Variants in PPP2R2C observed in about 807,000 individuals in gnomAD.
PPP2R2C encodes protein phosphatase 2 regulatory subunit Bgamma.
PPP2R2C carries 10 observed loss-of-function variants against 45.3 expected under a neutral mutation model. The observed-to-expected ratio is 0.22, with a 90% CI of 0.14 to 0.37. The LOEUF is 0.37. Among genes scored for constraint, PPP2R2C ranks in the 10% least tolerant of loss-of-function variants. The pLI is 1.00. For missense variants in PPP2R2C, 308 were observed against 619.7 expected, an observed-to-expected ratio of 0.50 and a Z score of 5.34; for synonymous variants, 257 against 245.4, an observed-to-expected ratio of 1.05 and a Z score of -0.44.
At chr4:6,424,012 G>A (rs1719134054) in intron 1 of PPP2R2C, among the ~76,000 whole-genome samples, 1 of 152,232 alleles carries the variant, frequency 6.6e-6, no homozygotes, top group Non-Finnish European at 1.5e-5. Flanking sequence ...ACCTCCTCCT[G>A]CCCATGCATT....
chr4:6,413,427 G>A (rs1718322678), intron 1 of PPP2R2C, among the ~76,000 whole-genome samples: 1 of 152,214 alleles, frequency 6.6e-6, no homozygotes, highest in Non-Finnish European at 1.5e-5. Context: ...AAAGCTACTC[G>A]GGGTCAGAGC....
intron 1 of PPP2R2C, among the ~76,000 whole-genome samples, chr4:6,467,765 G>A (rs1560570070): frequency 1.3e-5 from 2 of 152,252 alleles, no homozygotes; most frequent in South Asian, 4.2e-4. Context: ...TCATGTAACT[G>A]GAAGTTCAGA....
At chr4:6,362,712 T>C (rs527747282) in intron 5 of PPP2R2C, among the ~76,000 whole-genome samples, 1 of 152,320 alleles carries the variant, frequency 6.6e-6, no homozygotes, top group South Asian at 2.1e-4. Context: ...GTCATGAGAC[T>C]GAAATGCAAC....
intron 5 of PPP2R2C, among the ~76,000 whole-genome samples, chr4:6,356,814 G>A (rs990951044): frequency 2.6e-5 from 4 of 152,152 alleles, no homozygotes; most frequent in Admixed American, 1.3e-4. Flanking sequence ...TGGACTCTGC[G>A]TCATCTGAGG....
At chr4:6,456,837 G>C (rs950723350) in intron 1 of PPP2R2C, among the ~76,000 whole-genome samples, 1 of 152,226 alleles carries the variant, frequency 6.6e-6, no homozygotes, top group Non-Finnish European at 1.5e-5. Flanking sequence ...GCCACGTGGA[G>C]GGCCCATGCG....
At chr4:6,337,125 T>C (rs554726331) in intron 6 of PPP2R2C, among the ~76,000 whole-genome samples, 1 of 42,422 alleles carries the variant, frequency 2.4e-5, no homozygotes, top group Non-Finnish European at 4.2e-5. Flanking sequence ...TATATATATA[T>C]ATATATATAT....
At chr4:6,529,857 A>G (rs1724338433) in intron 2 of PPP2R2C, among the ~76,000 whole-genome samples, 1 of 152,168 alleles carries the variant, frequency 6.6e-6, no homozygotes, top group Non-Finnish European at 1.5e-5. Context: ...AAGGCCTCCC[A>G]TGACAAGGAT....
chr4:6,377,325 G>T (rs577871277), intron 3 of PPP2R2C, among the ~76,000 whole-genome samples: 2 of 152,268 alleles, frequency 1.3e-5, no homozygotes, highest in East Asian at 3.9e-4. Context: ...AGGAAAGCAA[G>T]GTCACTGCCC....
At chr4:6,507,832 C>T (rs1213443716) in intron 2 of PPP2R2C, among the ~76,000 whole-genome samples, 2 of 152,258 alleles carry the variant, frequency 1.3e-5, no homozygotes, top group East Asian at 3.8e-4. Flanking sequence ...CTCTGACCCT[C>T]TGGGTAAATC....
Position 6,364,656 on chromosome 4 carries a change from T to C in PPP2R2C, c.625+7867A>G, listed in dbSNP as rs981312357. Among the ~76,000 whole-genome samples, 1 of 152,102 alleles carries C rather than the reference T, an allele frequency of 6.6e-6. No homozygotes were observed. Among genetic ancestry groups the C allele is most frequent in the African/African-American group, 2.4e-5 (1 of 41,414 alleles). On this transcript the variant is annotated intron_variant, in intron 5 of 8. Coordinates refer to ENST00000382599, the MANE Select transcript of PPP2R2C (RefSeq NM_020416.4). This position sits in a 1 kb window ranked among gnomAD's most constrained non-coding sequence, Gnocchi z 5.3. ...GCAGCCGTATGGTGTCAGCAGGGGC[T>C]TTTCCTCGCTTTACAGGTGAGGAGC...
At chr4:6,562,474 G>GGA (rs1553910084) in intron 1 of PPP2R2C, among the ~76,000 whole-genome samples, 2 of 43,912 alleles carry the variant, frequency 4.6e-5, no homozygotes, top group Admixed American at 4.0e-4. Flanking sequence ...GAGTCGGGGG[G>GGA]GGGGGTTGGA....
chr4:6,445,917 C>T (rs753366499), intron 1 of PPP2R2C, among the ~76,000 whole-genome samples: 11 of 152,212 alleles, frequency 7.2e-5, no homozygotes, highest in Non-Finnish European at 1.2e-4. Context: ...TCTCACATGG[C>T]CACATGGCCT....
At chr4:6,427,101 G>A (rs1296283522) in intron 1 of PPP2R2C, among the ~76,000 whole-genome samples, 1 of 152,222 alleles carries the variant, frequency 6.6e-6, no homozygotes, top group Non-Finnish European at 1.5e-5. Flanking sequence ...GTGTACCAAG[G>A]GGAGCAAGTG....
chr4:6,452,545 G>GA (rs1720794966), intron 1 of PPP2R2C, among the ~76,000 whole-genome samples: 1 of 152,224 alleles, frequency 6.6e-6, no homozygotes, highest in African/African-American at 2.4e-5. Flanking sequence ...CTGAGGCCCA[G>GA]AGGGCTGTGC....
At chr4:6,426,318 A>G (rs1375939365) in intron 1 of PPP2R2C, among the ~76,000 whole-genome samples, 4 of 152,168 alleles carry the variant, frequency 2.6e-5, no homozygotes, top group African/African-American at 9.7e-5. Context: ...CAGCTGCTGA[A>G]AATCCCAGTG....
At position 6,406,573 on chromosome 4, in the gene PPP2R2C, AC is replaced by A. The variant is rs1185752873; in HGVS notation, c.71-25480del. On this transcript the variant is annotated intron_variant, in intron 1 of 8. Coordinates refer to ENST00000382599, the MANE Select transcript of PPP2R2C (RefSeq NM_020416.4). Reference sequence around the variant, plus strand: ...TTTATCTAACATCTGTTGGATGAAAACCCTGTCTCTACTAAAGAAAAAGCCA... The same window carrying A: ...TTTATCTAACATCTGTTGGATGAAAACCTGTCTCTACTAAAGAAAAAGCCA... Among the ~76,000 whole-genome samples, 3 of 149,626 alleles carry A rather than the reference AC, an allele frequency of 2.0e-5. No individual in the cohort carries two copies. The Admixed American group carries it at 2.0e-4, about 10-fold the overall frequency.
chr4:6,559,808 T>C (rs1362413019), intron 1 of PPP2R2C, among the ~76,000 whole-genome samples: 2 of 152,196 alleles, frequency 1.3e-5, no homozygotes, highest in Non-Finnish European at 2.9e-5. Flanking sequence ...GCCTTGATCT[T>C]GGACTTCCAG....
chr4:6,357,842 G>A (rs1375930400), intron 5 of PPP2R2C, among the ~76,000 whole-genome samples: 1 of 152,196 alleles, frequency 6.6e-6, no homozygotes, highest in Non-Finnish European at 1.5e-5. Flanking sequence ...AGTGAAGTCT[G>A]CAGCCATCCC....
At chr4:6,434,147 C>A (rs1171958819) in intron 1 of PPP2R2C, among the ~76,000 whole-genome samples, 1 of 152,144 alleles carries the variant, frequency 6.6e-6, no homozygotes, top group Admixed American at 6.5e-5. Flanking sequence ...TTGCTCATTT[C>A]ACCTAAAGAA....
Sources: allele counts gnomAD v4.1 joint callset (sites outside exome capture counted in the v4.1 genomes callset), GRCh38; gene constraint gnomAD v4.1.1; non-coding constraint Gnocchi (gnomAD v3.1); transcripts MANE v1.5; gene names NCBI Gene and HGNC (gene_info 2026-07-23, HGNC 2026-07-21).